Variants in HDAC9 observed in about 807,000 individuals in gnomAD.
HDAC9 encodes the protein MEF-2 interacting transcription repressor (MITR) protein.
HDAC9 carries 41 observed loss-of-function variants against 139.4 expected under a neutral mutation model. The ratio of observed to expected loss-of-function variants is 0.29; its 90% CI spans 0.23 to 0.38. HDAC9 has a LOEUF of 0.38. Ranked by LOEUF, HDAC9 falls within the 10% of genes least tolerant of loss-of-function variation. The pLI is 1.00. For missense variants in HDAC9, 1,147 were observed against 1,297.0 expected (o/e 0.88, Z 1.78); for synonymous variants, 517 against 476.2 (o/e 1.09, Z -1.12).
chr7:18,370,957 G>A (rs758418929), intron 1 of HDAC9, among the ~76,000 whole-genome samples: 2 of 152,146 alleles, frequency 1.3e-5, no homozygotes, highest in African/African-American at 4.8e-5. Context: ...CACTTCTGCA[G>A]GTCTGAGGTG....
chr7:18,943,156 A>C (rs187547599), intron 23 of HDAC9, among the ~76,000 whole-genome samples: 1 of 152,124 alleles, frequency 6.6e-6, no homozygotes, highest in East Asian at 1.9e-4. Flanking sequence ...ATAACAATTG[A>C]TATCCAGACT....
chr7:18,902,512 G>A (rs557698155), intron 22 of HDAC9, among the ~76,000 whole-genome samples: 2 of 152,246 alleles, frequency 1.3e-5, no homozygotes, highest in East Asian at 3.9e-4. Flanking sequence ...CCAAAGATTC[G>A]TTTGGAATAG....
chr7:18,859,807 C>T (rs1366147417), intron 21 of HDAC9, among the ~76,000 whole-genome samples: 3 of 99,088 alleles, frequency 3.0e-5, no homozygotes, highest in Admixed American at 2.3e-4. Context: ...AAGGCTAACG[C>T]TCTCATATAT....
At chr7:18,347,013 C>T (rs765891754) in intron 1 of HDAC9, among the ~76,000 whole-genome samples, 21 of 152,190 alleles carry the variant, frequency 1.4e-4, no homozygotes, top group Admixed American at 2.6e-4. Context: ...GCATCAATTT[C>T]TTTATATTGT....
chr7:18,089,640 T>C (rs1782018991), intron 1 of HDAC9, among the ~76,000 whole-genome samples: 1 of 152,150 alleles, frequency 6.6e-6, no homozygotes, highest in Non-Finnish European at 1.5e-5. Flanking sequence ...TTTATGTAGC[T>C]TTCCTTTCTT....
rs540778592 is a variant in HDAC9, at chr7:18,307,903, G to A, written c.-42+17388G>A. 1.1e-4 allele frequency among the ~76,000 whole-genome samples: 17 copies of A among 152,216 alleles called. No homozygotes were observed. The South Asian group carries it at 3.3e-3, about 30-fold the overall frequency. ...ATCACACATTAACAAAACAGCCGAT[G>A]TCACTAACACCAAAGGTCAGGGTGT... On this transcript the variant is annotated intron_variant, in intron 1 of 3. Coordinates refer to the HDAC9 transcript ENST00000413509.
intron 2 of HDAC9, among the ~76,000 whole-genome samples, 178 bp from the exon 3 acceptor site, chr7:18,585,103 A>T (rs56215016): frequency 2.0e-5 from 3 of 152,250 alleles, no homozygotes; most frequent in Non-Finnish European, 4.4e-5. Flanking sequence ...TGGCCCATTT[A>T]TCAAAACTAA....
intron 2 of HDAC9, among the ~76,000 whole-genome samples, chr7:18,568,790 G>C (rs1251429209): frequency 3.9e-5 from 6 of 152,148 alleles, no homozygotes; most frequent in African/African-American, 1.4e-4. Flanking sequence ...GCTCACACCT[G>C]TAATCCCAGA....
intron 1 of HDAC9, among the ~76,000 whole-genome samples, chr7:18,463,362 G>A (rs534419270): frequency 1.3e-5 from 2 of 152,000 alleles, no homozygotes; most frequent in Non-Finnish European, 2.9e-5. Flanking sequence ...GTGCCTGCAG[G>A]TGTGTGTGTG....
chr7:18,829,645 C>G, intron 19 of HDAC9, 97 bp downstream of exon 19: 1 of 738,056 alleles, frequency 1.4e-6, no homozygotes, highest in Non-Finnish European at 2.3e-6. Context: ...TTAGCACTTG[C>G]AAACAACTGA....
chr7:18,102,064 G>A (rs1782891058), intron 1 of HDAC9, among the ~76,000 whole-genome samples: 1 of 152,132 alleles, frequency 6.6e-6, no homozygotes, highest in Admixed American at 6.5e-5. Flanking sequence ...CTATGTGCTG[G>A]TGAATTATTT....
At chr7:18,891,682 A>G (rs2190278) in intron 22 of HDAC9, among the ~76,000 whole-genome samples, 32,368 of 152,028 alleles carry the variant, frequency 0.21, 3,699 homozygotes, top group South Asian at 0.33. Context: ...ATATTTAGCA[A>G]TGGGAAAGTT....
intron 22 of HDAC9, among the ~76,000 whole-genome samples, chr7:18,932,864 G>GAAAGAAAGAAAGAAAGAAAGAAAGAA (rs369930715): frequency 7.1e-4 from 107 of 150,428 alleles, no homozygotes; most frequent in African/African-American, 2.5e-3. Flanking sequence ...AAGAAAGAAA[G>GAAAGAAAGAAAGAAAGAAAGAAAGAA]AAAGAAAGAA....
intron 22 of HDAC9, chr7:18,899,541 C>T (rs1801507155): frequency 6.6e-6 from 1 of 151,858 alleles, no homozygotes; most frequent in African/African-American, 2.4e-5. Context: ...TTTATAGATT[C>T]AGAATCTACA....
chr7:18,447,641 A>G (rs993601895), intron 1 of HDAC9, among the ~76,000 whole-genome samples: 1 of 152,228 alleles, frequency 6.6e-6, no homozygotes, highest in African/African-American at 2.4e-5. Flanking sequence ...AAACATCTGT[A>G]TTCAGAGTTT....
intron 1 of HDAC9, among the ~76,000 whole-genome samples, chr7:18,374,199 G>GTATATATA (rs371983993): frequency 7.0e-6 from 1 of 143,132 alleles, no homozygotes; most frequent in South Asian, 2.2e-4. Context: ...ATGTATGTGT[G>GTATATATA]TATATATATA....
intron 2 of HDAC9, among the ~76,000 whole-genome samples, chr7:18,170,849 G>C (rs992911394): frequency 6.6e-6 from 1 of 151,986 alleles, no homozygotes; most frequent in Non-Finnish European, 1.5e-5. Flanking sequence ...GTTACTGTTG[G>C]CTTGTAGTAT....
intron 1 of HDAC9, among the ~76,000 whole-genome samples, chr7:18,437,215 A>G (rs1184918590): frequency 6.6e-6 from 1 of 152,102 alleles, no homozygotes; most frequent in African/African-American, 2.4e-5. Flanking sequence ...GTATGTGTGC[A>G]TGTGGTATGT....
chr7:18,115,475 A>G lies in HDAC9; in HGVS notation c.-97+28262A>G, dbSNP rs79436348. ...CAATGATTATGTTATTTGCAAAATT[A>G]CATTCCACCATGAAAATACAATGAG... On this transcript the variant is annotated intron_variant, in intron 1 of 12. Transcript: ENST00000417496. Among the ~76,000 whole-genome samples, 166 of 152,364 alleles carry G rather than the reference A, an allele frequency of 1.1e-3. 2 individuals carry two copies. In the East Asian group the frequency reaches 0.029, roughly 27 times the overall value.
Sources: allele counts gnomAD v4.1 joint callset (sites outside exome capture counted in the v4.1 genomes callset), GRCh38; gene constraint gnomAD v4.1.1; transcripts MANE v1.5; gene names NCBI Gene and HGNC (gene_info 2026-07-23, HGNC 2026-07-21).